The following CA5A variants were observed in gnomAD, a reference collection of about 807,000 sequenced individuals.
CA5A encodes carbonic anhydrase 5A.
CA5A carries 28 observed loss-of-function variants against 37.1 expected under a neutral mutation model. That is an observed-to-expected ratio of 0.75 (90% CI 0.56 to 1.03). The LOEUF (loss-of-function observed/expected upper bound fraction) is 1.03, where lower values mean the gene tolerates loss of function less well. Among genes scored for constraint, CA5A ranks in the 50% least tolerant of loss-of-function variants. The pLI is 0.00. For missense variants in CA5A, 444 were observed against 399.9 expected (o/e 1.11, Z -0.94); for synonymous variants, 171 against 158.4 (o/e 1.08, Z -0.60).
In CA5A at chr16:87,898,584, G is replaced by A. The variant is rs137887298; in HGVS notation, c.618+3328C>T. 1.3e-3 allele frequency among the ~76,000 whole-genome samples: 192 copies of A among 152,262 alleles called. 1 individual carries two copies. The highest frequency in any genetic ancestry group is 3.4e-3 in the Middle Eastern group (1 of 294). ...GGCTGGTGGATTTTCGTTTCGTGAC[G>A]GGCAGCAGCAGCCTGTGCCTTCCAC... On this transcript the variant is annotated intron_variant, in intron 5 of 6. Coordinates refer to ENST00000649794, the MANE Select transcript of CA5A (RefSeq NM_001739.2).
At chr16:87,897,492 G>T (rs530907999) in intron 5 of CA5A, among the ~76,000 whole-genome samples, 2 of 152,062 alleles carry the variant, frequency 1.3e-5, no homozygotes, top group South Asian at 4.2e-4. Flanking sequence ...CACTGGTAGG[G>T]GCCTGTGCAG....
chr16:87,886,202 T>G (rs561053630), downstream of CA5A: 1 of 146,150 alleles, frequency 6.8e-6, no homozygotes, highest in Non-Finnish European at 1.5e-5. Flanking sequence ...CAGGCTGGAA[T>G]GCAATGGCGC....
chr16:87,894,818 G>A (rs573281319), intron 5 of CA5A, among the ~76,000 whole-genome samples: 1 of 152,252 alleles, frequency 6.6e-6, no homozygotes, highest in East Asian at 1.9e-4. Context: ...TGCAGAGGTT[G>A]CAGTGAGCCG....
intron 1 of CA5A, among the ~76,000 whole-genome samples, chr16:87,929,327 C>T (rs1025068907): frequency 1.2e-4 from 18 of 151,136 alleles, no homozygotes; most frequent in Admixed American, 6.6e-4. Flanking sequence ...TGGCTCATGC[C>T]TGTAATCCCA....
At chr16:87,899,795 C>T (rs1393892877) in intron 5 of CA5A, among the ~76,000 whole-genome samples, 4 of 150,712 alleles carry the variant, frequency 2.7e-5, no homozygotes, top group East Asian at 2.0e-4. Context: ...TGGTGGGCGC[C>T]GGTACTTCCA....
intron 1 of CA5A, among the ~76,000 whole-genome samples, chr16:87,929,981 C>T (rs1432614933): frequency 6.6e-6 from 1 of 150,892 alleles, no homozygotes; most frequent in Non-Finnish European, 1.5e-5. Context: ...GTTCTAAAAT[C>T]GCATCTTTTC....
intron 2 of CA5A, among the ~76,000 whole-genome samples, chr16:87,917,032 G>C (rs1175245141): frequency 6.6e-6 from 1 of 151,332 alleles, no homozygotes; most frequent in Non-Finnish European, 1.5e-5. Flanking sequence ...GTGAACCCGG[G>C]AGGCGGAGGT....
intron 5 of CA5A, among the ~76,000 whole-genome samples, chr16:87,898,730 T>A (rs1386027919): frequency 2.0e-5 from 2 of 101,980 alleles, no homozygotes; most frequent in African/African-American, 5.9e-5. Flanking sequence ...CTAGTGTGGA[T>A]TTTTTTTTTT....
At chr16:87,918,549 C>G (rs947144184) in intron 2 of CA5A, among the ~76,000 whole-genome samples, 1 of 152,210 alleles carries the variant, frequency 6.6e-6, no homozygotes, top group African/African-American at 2.4e-5. Flanking sequence ...TGGCAGTGTC[C>G]ACGCCGACGG....
intron 1 of CA5A, among the ~76,000 whole-genome samples, chr16:87,935,587 G>A (rs540292910): frequency 6.6e-6 from 1 of 152,270 alleles, no homozygotes; most frequent in South Asian, 2.1e-4. Context: ...CAAGAGAAAC[G>A]GAGTGTGGCC....
chr16:87,916,186 A>AC (rs1006908186), intron 2 of CA5A, among the ~76,000 whole-genome samples: 1 of 151,446 alleles, frequency 6.6e-6, no homozygotes, highest in Non-Finnish European at 1.5e-5. Context: ...AAAAAACAAA[A>AC]AACCATCGGA....
intron 5 of CA5A, among the ~76,000 whole-genome samples, chr16:87,894,422 G>A (rs2055771261): frequency 6.6e-6 from 1 of 152,160 alleles, no homozygotes; most frequent in Non-Finnish European, 1.5e-5. Context: ...CAACCCAGAT[G>A]CCTTGGGCTT....
intron 2 of CA5A, among the ~76,000 whole-genome samples, chr16:87,912,551 C>T (rs2056066404): frequency 6.6e-6 from 1 of 152,220 alleles, no homozygotes; most frequent in South Asian, 2.1e-4. Context: ...GACTTTCTCC[C>T]ACGTGCCGGG....
chr16:87,893,250 C>G (rs139443993), intron 5 of CA5A: 17,929 of 418,298 alleles, frequency 0.043, 447 homozygotes, highest in Middle Eastern at 0.069. Context: ...GCCTCAGCCT[C>G]CCTAGTAGCT....
chr16:87,910,069 T>G (rs73239044), intron 2 of CA5A, among the ~76,000 whole-genome samples: 3,155 of 149,724 alleles, frequency 0.021, 110 homozygotes, highest in African/African-American at 0.073. Flanking sequence ...ACGCTTGACG[T>G]AAAGGAAGCA....
intron 6 of CA5A, among the ~76,000 whole-genome samples, chr16:87,891,574 T>C (rs1358139944): frequency 6.6e-6 from 1 of 152,174 alleles, no homozygotes; most frequent in African/African-American, 2.4e-5. Flanking sequence ...GTGTGATAGA[T>C]TAGGGCGTTG....
At chr16:87,917,350 A>C (rs2056160662) in intron 2 of CA5A, among the ~76,000 whole-genome samples, 1 of 152,152 alleles carries the variant, frequency 6.6e-6, no homozygotes, top group African/African-American at 2.4e-5. Flanking sequence ...GGGAATTTAG[A>C]ATTGGAAGTG....
intron 2 of CA5A, among the ~76,000 whole-genome samples, chr16:87,912,228 G>A (rs1412939599): frequency 1.3e-5 from 2 of 152,150 alleles, no homozygotes; most frequent in Non-Finnish European, 2.9e-5. Context: ...CTTGAACCCG[G>A]GAGGTGCATG....
intron 5 of CA5A, chr16:87,893,491 C>T: frequency 1.8e-6 from 1 of 554,164 alleles, no homozygotes; most frequent in Non-Finnish European, 3.5e-6. Flanking sequence ...TGATTACCTT[C>T]ATCTGTCCCT....
Sources: allele counts gnomAD v4.1 joint callset (sites outside exome capture counted in the v4.1 genomes callset), GRCh38; gene constraint gnomAD v4.1.1; transcripts MANE v1.5; gene names NCBI Gene and HGNC (gene_info 2026-07-23, HGNC 2026-07-21).